The following CMIP variants were observed in gnomAD, a reference collection of about 807,000 sequenced individuals.
CMIP encodes c-Maf inducing protein, also known as C-Maf-inducing protein.
In CMIP, 13 loss-of-function variants were observed where a neutral mutation model predicts 97.3. The ratio of observed to expected loss-of-function variants is 0.13; its 90% CI spans 0.09 to 0.21. CMIP has a LOEUF of 0.21. CMIP is among the 10% of genes least tolerant of loss of function. The probability of loss-of-function intolerance (pLI) is 1.00; values close to 1 mark genes in which losing one functional copy is unlikely to be tolerated. For synonymous variants in CMIP, 538 were observed against 436.3 expected, an observed-to-expected ratio of 1.23 and a Z score of -2.91; for missense variants, 847 against 1,024.9, an observed-to-expected ratio of 0.83 and a Z score of 2.37.
chr16:81,676,616 A>G (rs1344452909), intron 9 of CMIP, among the ~76,000 whole-genome samples: 1 of 152,250 alleles, frequency 6.6e-6, no homozygotes, highest in Non-Finnish European at 1.5e-5. Context: ...TATCAACGAT[A>G]GAATTCTCGG....
chr16:81,516,862 C>T (rs1487492102), intron 1 of CMIP, among the ~76,000 whole-genome samples: 1 of 152,212 alleles, frequency 6.6e-6, no homozygotes, highest in Non-Finnish European at 1.5e-5. Flanking sequence ...ACCAGATGGC[C>T]TCCAAGGTCT....
chr16:81,470,049 G>A (rs1015828434), intron 1 of CMIP, among the ~76,000 whole-genome samples: 2 of 152,212 alleles, frequency 1.3e-5, no homozygotes, highest in East Asian at 1.9e-4. Context: ...ACCAAGTACT[G>A]TGTACTATCT....
At chr16:81,669,097 ACCT>A (rs1303074204) in intron 7 of CMIP, among the ~76,000 whole-genome samples, 1 of 73,792 alleles carries the variant, frequency 1.4e-5, no homozygotes, top group Non-Finnish European at 2.7e-5. Context: ...TCCACCTCAC[ACCT>A]CCACACCCAC....
intron 1 of CMIP, among the ~76,000 whole-genome samples, chr16:81,459,673 G>A (rs558368229): frequency 6.6e-6 from 1 of 152,290 alleles, no homozygotes; most frequent in South Asian, 2.1e-4. Context: ...GGTGGCCTCC[G>A]GTCTGAGCAC....
At chr16:81,703,917 C>T (rs763982024) in intron 17 of CMIP, 22 bp from the exon 18 acceptor site, 10 of 1,583,378 alleles carry the variant, frequency 6.3e-6, no homozygotes, top group African/African-American at 1.3e-5. Context: ...CACCCTCAGG[C>T]CTCTCCCCCG....
At chr16:81,606,020 A>G (rs991743266) in intron 1 of CMIP, among the ~76,000 whole-genome samples, 4 of 152,156 alleles carry the variant, frequency 2.6e-5, no homozygotes, top group African/African-American at 7.2e-5. Context: ...CACCCCCATC[A>G]CCATAACTCT....
rs1597199661 is a variant in CMIP at position 81,652,307 on chromosome 16, G to A, written c.582G>A (p.Leu194=). 6.2e-7 allele frequency: 1 copy of A among 1,613,962 alleles called. No homozygotes were observed. The highest frequency in any genetic ancestry group is 8.5e-7 in the Non-Finnish European group (1 of 1,179,846). The change falls in exon 4 of 21, where the codon CTG becomes CTA. Residue 194 remains leucine, a synonymous_variant. Transcript: ENST00000537098. The surrounding 1 kb of genome is among the most constrained non-coding windows in gnomAD (Gnocchi z 5.2). The stretch of plus-strand genomic sequence containing the variant: ...TGGACATGGCCCTGACATCCCCCCT[G>A]CAGGATGACTCCATCAACCAGGCCC... ...TLVDMALTSP[L]QDDSINQAPL... is the part of the protein sequence containing the mutation.
Position 81,686,803 on chromosome 16 carries a change from T to G in CMIP, c.1389-4972T>G, listed in dbSNP as rs941842860. ...TGGTGAAAAAAACATCTCCTCCCGT[T>G]TCTATGTAAGGCACAGTTAGACACA... is the stretch of plus-strand genomic sequence containing the variant. On this transcript the variant is annotated intron_variant, in intron 10 of 20. Coordinates refer to ENST00000537098, the MANE Select transcript of CMIP (RefSeq NM_198390.3). Among the ~76,000 whole-genome samples, 3 of 152,226 alleles carry G rather than the reference T, an allele frequency of 2.0e-5. No individual in the cohort carries two copies. The East Asian group carries it at 5.8e-4, about 29-fold the overall frequency.
chr16:81,534,458 G>A (rs2090302251), intron 1 of CMIP, among the ~76,000 whole-genome samples: 1 of 152,074 alleles, frequency 6.6e-6, no homozygotes, highest in African/African-American at 2.4e-5. Context: ...TTATGTAGCA[G>A]TTATTACTCT....
intron 15 of CMIP, chr16:81,700,659 G>A (rs1907294813): frequency 6.5e-6 from 1 of 152,684 alleles, no homozygotes. Context: ...GAGCTCCCGT[G>A]GAAATGAGAG....
intron 3 of CMIP, among the ~76,000 whole-genome samples, chr16:81,636,456 C>T (rs1175380922): frequency 6.6e-6 from 1 of 151,916 alleles, no homozygotes; most frequent in Non-Finnish European, 1.5e-5. Flanking sequence ...TGGCAGGCGC[C>T]CGTAATCCCA....
Position 81,453,677 on chromosome 16 carries a change from C to G in CMIP, c.300+8136C>G, listed in dbSNP as rs1447322280. 6.6e-6 allele frequency among the ~76,000 whole-genome samples: 1 copy of G among 152,252 alleles called. No individual in the cohort carries two copies. The highest frequency in any genetic ancestry group is 1.5e-5 in the Non-Finnish European group (1 of 68,052). On this transcript the variant is annotated intron_variant, in intron 1 of 20. Coordinates refer to ENST00000537098, the MANE Select transcript of CMIP (RefSeq NM_198390.3). The surrounding 1 kb of genome is among the most constrained non-coding windows in gnomAD (Gnocchi z 4.0). Reference sequence around the variant, plus strand: ...TCCCCAGGCAGGCTAGCTGCCGTAACACGCAGCCCTGGCATCTGGGTGGCT... The same window carrying G: ...TCCCCAGGCAGGCTAGCTGCCGTAAGACGCAGCCCTGGCATCTGGGTGGCT...
chr16:81,617,890 A>G (rs2091941419), intron 2 of CMIP, among the ~76,000 whole-genome samples: 1 of 152,206 alleles, frequency 6.6e-6, no homozygotes, highest in Admixed American at 6.5e-5. Context: ...AGGGTCACAC[A>G]TATATACAGG....
At chr16:81,656,653 T>C (rs2092485672) in intron 4 of CMIP, among the ~76,000 whole-genome samples, 4 of 152,224 alleles carry the variant, frequency 2.6e-5, no homozygotes, top group African/African-American at 9.7e-5. Flanking sequence ...AAACTTTCTT[T>C]TTTAGAGACA....
chr16:81,675,062 C>A (rs1252782443), intron 9 of CMIP, among the ~76,000 whole-genome samples: 1 of 152,152 alleles, frequency 6.6e-6, no homozygotes, highest in Non-Finnish European at 1.5e-5. Flanking sequence ...TTGGAAGGAG[C>A]GTTGGGGAGG....
At chr16:81,709,717 G>C in intron 20 of CMIP, 29 bp from the exon 21 acceptor site, 1 of 1,613,456 alleles carries the variant, frequency 6.2e-7, no homozygotes. Context: ...TGGCCTACAC[G>C]TGACAAGGAC....
intron 1 of CMIP, among the ~76,000 whole-genome samples, chr16:81,565,275 C>G (rs1335063609): frequency 6.6e-6 from 1 of 152,166 alleles, no homozygotes; most frequent in Admixed American, 6.5e-5. Context: ...GAAGATTTGC[C>G]CCACTGGGTG....
chr16:81,649,759 G>C (rs565994782), intron 3 of CMIP, among the ~76,000 whole-genome samples: 1 of 152,328 alleles, frequency 6.6e-6, no homozygotes, highest in Admixed American at 6.5e-5. Context: ...GCAAATGTAA[G>C]ACACGGGTGT....
intron 1 of CMIP, among the ~76,000 whole-genome samples, chr16:81,473,242 C>T (rs1267565469): frequency 2.6e-5 from 4 of 152,174 alleles, no homozygotes; most frequent in Admixed American, 6.5e-5. Flanking sequence ...CTGTCACTGA[C>T]GTGTCTTCCT....
Sources: allele counts gnomAD v4.1 joint callset (sites outside exome capture counted in the v4.1 genomes callset), GRCh38; gene constraint gnomAD v4.1.1; non-coding constraint Gnocchi (gnomAD v3.1); transcripts MANE v1.5; gene names NCBI Gene and HGNC (gene_info 2026-07-23, HGNC 2026-07-21).